Variants in PPEF1 observed in about 807,000 individuals in gnomAD.
The protein encoded by PPEF1 is protein phosphatase with EF-hand domain 1, also known as serine/threonine-protein phosphatase with EF-hands 1.
PPEF1 carries 12 observed loss-of-function variants against 53.3 expected under a neutral mutation model. The ratio of observed to expected loss-of-function variants is 0.23; its 90% CI spans 0.14 to 0.36. The LOEUF is 0.36. Among genes scored for constraint, PPEF1 ranks in the 10% least tolerant of loss-of-function variants. The pLI, the probability that PPEF1 is intolerant of heterozygous loss-of-function variation, is 1.00. For missense variants in PPEF1, 334 were observed against 490.4 expected (o/e 0.68, Z 3.01); for synonymous variants, 165 against 176.7 (o/e 0.93, Z 0.52).
At chrX:18,694,582 C>T in intron 4 of PPEF1, among the ~76,000 whole-genome samples, 1 of 111,506 alleles carries the variant, frequency 9.0e-6, no homozygotes, top group East Asian at 2.8e-4. Context: ...ACAAAAAATA[C>T]AAAAATTAGC....
intron 6 of PPEF1, chrX:18,700,582 A>C (rs1201567772): frequency 9.0e-6 from 1 of 111,400 alleles, no homozygotes; most frequent in Non-Finnish European, 1.9e-5. Context: ...GTTCTCAAAA[A>C]TGCTGGTTGT....
At chrX:18,734,223 G>A (rs2044909311) in intron 3 of PPEF1, among the ~76,000 whole-genome samples, 1 of 107,969 alleles carries the variant, frequency 9.3e-6, no homozygotes, top group South Asian at 4.2e-4. Context: ...TTGGTGTGCT[G>A]CACCCATTAA....
chrX:18,784,147 G>A (rs2046153380), intron 9 of PPEF1, 99 bp downstream of exon 9: 5 of 775,444 alleles, frequency 6.4e-6, no homozygotes, highest in Non-Finnish European at 8.8e-6. Flanking sequence ...TTTAGTGGTT[G>A]TAACTCTAAA....
Position 18,733,781 on chromosome X carries a change from T to C in PPEF1, c.208T>C (p.Tyr70His). 8.4e-7 allele frequency: 1 copy of C among 1,188,755 alleles called. No individual in the cohort carries two copies. The highest frequency in any genetic ancestry group is 1.8e-5 in the African/African-American group (1 of 56,929). ...CTTCTTTTCCTTCATGTTGGAAAAC[T>C]ACACACATATACATAAGGAAGAGCT... The part of the protein sequence containing the change: ...STFFSFMLEN[Y>H]THIHKEELEL... Residue 70 changes from tyrosine to histidine, a missense_variant, in exon 3 of 16, where the codon TAC (tyrosine) becomes CAC (histidine). Physicochemically the swap from Tyr to His is moderately conservative, Grantham distance 83. Coordinates refer to ENST00000470157, the MANE Select transcript of PPEF1 (RefSeq NM_001377996.1).
At chrX:18,750,811 G>T (rs192858387) in intron 4 of PPEF1, among the ~76,000 whole-genome samples, 2 of 110,865 alleles carry the variant, frequency 1.8e-5, no homozygotes, top group African/African-American at 6.6e-5. Context: ...TCCCATGTAG[G>T]TTCCAATTTC....
intron 6 of PPEF1, among the ~76,000 whole-genome samples, chrX:18,773,805 A>G (rs745970361): frequency 1.8e-5 from 2 of 110,643 alleles, no homozygotes; most frequent in Admixed American, 1.9e-4. Flanking sequence ...CTGTTTACAC[A>G]CTCCATGTCT....
chrX:18,681,772 T>C (rs1327882808), upstream of PPEF1, among the ~76,000 whole-genome samples: 1 of 111,420 alleles, frequency 9.0e-6, no homozygotes, highest in African/African-American at 3.3e-5. Flanking sequence ...GTGATGAGTA[T>C]CACTTCCAAG....
intron 1 of PPEF1, among the ~76,000 whole-genome samples, chrX:18,724,986 G>T (rs891787916): frequency 2.7e-5 from 3 of 111,065 alleles, no homozygotes; most frequent in Non-Finnish European, 5.7e-5. Flanking sequence ...TCCTGGAGAG[G>T]TTTCCTTGGG....
intron 3 of PPEF1, among the ~76,000 whole-genome samples, chrX:18,738,244 T>A (rs1052404514): frequency 1.8e-4 from 20 of 111,940 alleles, no homozygotes; most frequent in East Asian, 1.1e-3. Context: ...ATTTGGCATG[T>A]TTTTGCAGTG....
intron 4 of PPEF1, among the ~76,000 whole-genome samples, chrX:18,755,368 A>G (rs1405892826): frequency 6.3e-5 from 7 of 111,815 alleles, no homozygotes; most frequent in Non-Finnish European, 1.9e-5. Context: ...GGCGTTCAAG[A>G]CCAGCCTGGT....
chrX:18,821,006 G>A (rs905440416), intron 13 of PPEF1, among the ~76,000 whole-genome samples: 10 of 109,136 alleles, frequency 9.2e-5, no homozygotes, highest in Non-Finnish European at 1.7e-4. Context: ...GGTGGATCAC[G>A]AGGTCAGGAG....
intron 12 of PPEF1, among the ~76,000 whole-genome samples, chrX:18,811,302 C>A (rs1423168193): frequency 9.0e-6 from 1 of 110,977 alleles, no homozygotes; most frequent in Non-Finnish European, 1.9e-5. Flanking sequence ...ATTTGCCCGC[C>A]TCGGCCTCCC....
chrX:18,806,505 C>A lies in PPEF1; in HGVS notation c.1354C>A (p.Gln452Lys). The A allele has an allele frequency of 8.3e-7, 1 of 1,209,735 alleles. No homozygotes were observed. Among genetic ancestry groups the A allele is most frequent in the Non-Finnish European group, 1.1e-6 (1 of 894,272 alleles). Reference protein sequence around the residue: ...SGTTPRFFQYQVTKATCFQPL... With the variant: ...SGTTPRFFQYKVTKATCFQPL... ...TACAACTCCTCGATTTTTCCAGTACCAAGTAACTAAAGCAACGTGCTTTCA... is the reference window on the plus strand; with the variant it reads ...TACAACTCCTCGATTTTTCCAGTACAAAGTAACTAAAGCAACGTGCTTTCA... The change falls in exon 12 of 16, where the codon CAA becomes AAA. Residue 452 changes from glutamine (Q) to lysine (K), a missense_variant. Gln to Lys is a moderately conservative substitution (Grantham distance 53). Transcript: ENST00000470157.
At chrX:18,678,306 C>T (rs753259868), upstream of PPEF1, among the ~76,000 whole-genome samples, 66 of 109,279 alleles carry the variant, frequency 6.0e-4, no homozygotes, top group African/African-American at 2.1e-3. Context: ...TGGTGGCGCA[C>T]ACCTGTAGTC....
intron 1 of PPEF1, among the ~76,000 whole-genome samples, chrX:18,721,671 G>C (rs182304949): frequency 2.7e-5 from 3 of 111,756 alleles, no homozygotes. Context: ...CCAAATGGAA[G>C]TATCTCAATG....
chrX:18,719,154 TTAATG>T (rs2044525016), intron 1 of PPEF1, among the ~76,000 whole-genome samples: 1 of 111,826 alleles, frequency 8.9e-6, no homozygotes, highest in Non-Finnish European at 1.9e-5. Flanking sequence ...TTTTTAAAAA[TTAATG>T]TATTCATAAT....
At chrX:18,744,776 A>G (rs2045286022) in intron 3 of PPEF1, among the ~76,000 whole-genome samples, 1 of 109,977 alleles carries the variant, frequency 9.1e-6, no homozygotes, top group Admixed American at 1.0e-4. Context: ...ATTAAGTAAT[A>G]ATAATATTTT....
chrX:18,812,663 T>G (rs886417971), intron 12 of PPEF1, among the ~76,000 whole-genome samples: 4 of 112,427 alleles, frequency 3.6e-5, no homozygotes, highest in Non-Finnish European at 7.5e-5. Context: ...TCCAATAATA[T>G]TTTGAACTTT....
chrX:18,728,134 G>C (rs1272989603), intron 1 of PPEF1, among the ~76,000 whole-genome samples: 1 of 110,270 alleles, frequency 9.1e-6, no homozygotes, highest in Non-Finnish European at 1.9e-5. Flanking sequence ...ACAAAAGACT[G>C]TATCAGGGCC....
Sources: allele counts gnomAD v4.1 joint callset (sites outside exome capture counted in the v4.1 genomes callset), GRCh38; gene constraint gnomAD v4.1.1; transcripts MANE v1.5; gene names NCBI Gene and HGNC (gene_info 2026-07-23, HGNC 2026-07-21).